The following TCF12 variants were observed in gnomAD, a reference collection of about 807,000 sequenced individuals.
TCF12 encodes the protein DNA-binding protein HTF4.
In TCF12, 45 loss-of-function variants were observed where a neutral mutation model predicts 86.0. The ratio of observed to expected loss-of-function variants is 0.52; its 90% confidence interval spans 0.41 to 0.67. TCF12 has a LOEUF of 0.67. Among genes scored for constraint, TCF12 ranks in the 30% least tolerant of loss-of-function variants. The pLI is 0.00. For synonymous variants in TCF12, 330 were observed against 299.6 expected (o/e 1.10, Z -1.05); for missense variants, 881 against 859.9 (o/e 1.02, Z -0.31).
At chr15:57,101,833 A>C (rs1248740440) in intron 5 of TCF12, among the ~76,000 whole-genome samples, 1 of 152,216 alleles carries the variant, frequency 6.6e-6, no homozygotes, top group African/African-American at 2.4e-5. Context: ...ATGGGAGTAC[A>C]TTACTAGTCC....
chr15:56,972,063 A>G (rs1293508574), intron 3 of TCF12, among the ~76,000 whole-genome samples: 1 of 152,244 alleles, frequency 6.6e-6, no homozygotes, highest in Non-Finnish European at 1.5e-5. Context: ...TAGGTGAATT[A>G]TAGGGTATAT....
chr15:57,168,860 G>A (rs1405780356), intron 6 of TCF12, among the ~76,000 whole-genome samples: 5 of 152,010 alleles, frequency 3.3e-5, no homozygotes, highest in Non-Finnish European at 7.4e-5. Context: ...AGCCTGGCCA[G>A]CATGGTGAAA....
At chr15:56,992,675 G>A (rs1394091196) in intron 3 of TCF12, among the ~76,000 whole-genome samples, 1 of 152,186 alleles carries the variant, frequency 6.6e-6, no homozygotes, top group Non-Finnish European at 1.5e-5. Flanking sequence ...TGAGGACCTT[G>A]CAGTGATCAT....
At chr15:57,159,177 TA>T (rs1388798792) in intron 5 of TCF12, among the ~76,000 whole-genome samples, 1 of 152,212 alleles carries the variant, frequency 6.6e-6, no homozygotes, top group African/African-American at 2.4e-5. Flanking sequence ...TTGATTTTCC[TA>T]AAAGAGTGAG....
chr15:57,277,694 T>A, intron 19 of TCF12, among the ~76,000 whole-genome samples: 1 of 149,476 alleles, frequency 6.7e-6, no homozygotes. Flanking sequence ...CCCAGCACAG[T>A]GGGAGGCCAA....
intron 3 of TCF12, among the ~76,000 whole-genome samples, chr15:56,960,725 C>T (rs997780888): frequency 5.9e-5 from 9 of 151,926 alleles, no homozygotes; most frequent in African/African-American, 4.8e-5. Flanking sequence ...CCACCATGCC[C>T]GGCCTACTGT....
At chr15:57,182,380 A>AT (rs1555530027) in intron 6 of TCF12, among the ~76,000 whole-genome samples, 1 of 151,956 alleles carries the variant, frequency 6.6e-6, no homozygotes, top group Non-Finnish European at 1.5e-5. Context: ...TTTTAATTGT[A>AT]TTTTTTTCAT....
At chr15:56,991,871 G>A (rs1346756930) in intron 3 of TCF12, among the ~76,000 whole-genome samples, 1 of 151,924 alleles carries the variant, frequency 6.6e-6, no homozygotes, top group East Asian at 1.9e-4. Context: ...AACCATCAGG[G>A]TATAGAAAAA....
intron 3 of TCF12, among the ~76,000 whole-genome samples, chr15:56,985,967 GA>G (rs35495941): frequency 4.6e-5 from 7 of 152,148 alleles, no homozygotes; most frequent in African/African-American, 1.7e-4. Flanking sequence ...GGAGTGGACA[GA>G]AAGGGAAGAG....
At chr15:57,282,222 T>G (rs529383949) in intron 19 of TCF12, 7 of 574,584 alleles carry the variant, frequency 1.2e-5, no homozygotes, top group African/African-American at 9.4e-5. Flanking sequence ...CCTAGAAAAC[T>G]AAATCATAAG....
At chr15:57,061,227 GA>G (rs2068435462) in intron 3 of TCF12, among the ~76,000 whole-genome samples, 1 of 152,150 alleles carries the variant, frequency 6.6e-6, no homozygotes, top group Non-Finnish European at 1.5e-5. Context: ...TGTGTCTCTT[GA>G]ATTTTGCTTG....
chr15:56,972,514 G>A, intron 3 of TCF12, among the ~76,000 whole-genome samples: 1 of 152,134 alleles, frequency 6.6e-6, no homozygotes. Context: ...CAAACAAAGT[G>A]TAAAAGAGCA....
intron 3 of TCF12, among the ~76,000 whole-genome samples, chr15:56,925,054 C>A (rs1007736188): frequency 5.3e-5 from 8 of 152,050 alleles, no homozygotes; most frequent in Non-Finnish European, 7.4e-5. Flanking sequence ...CAAAAACTTG[C>A]TGGGTGTGAT....
chr15:57,232,437 T>A lies in TCF12; in HGVS notation c.825+7T>A, dbSNP rs745541408. 12 of 1,597,198 alleles carry A rather than the reference T, an allele frequency of 7.5e-6. No homozygotes were observed. The highest frequency in any genetic ancestry group is 1.0e-5 in the Non-Finnish European group (12 of 1,174,550). On this transcript the variant is annotated splice_region_variant and intron_variant, in intron 10 of 20. Transcript: ENST00000333725. ...TCATTCACATGACCGCTTGGTAGGC[T>A]ATAACACGTGACTAGGGTACAGCAA...
chr15:57,227,479 A>C (rs2058944587), intron 8 of TCF12, among the ~76,000 whole-genome samples: 1 of 152,188 alleles, frequency 6.6e-6, no homozygotes. Flanking sequence ...AAACATTTTA[A>C]GGATAATTAT....
Position 57,289,249 on chromosome 15 carries a change from CTTG to C in TCF12, c.*3107_*3109del, listed in dbSNP as rs2062027847. 1 of 152,086 alleles carries C rather than the reference CTTG, an allele frequency of 6.6e-6. No homozygotes were observed. Among genetic ancestry groups the C allele is most frequent in the Admixed American group, 6.6e-5 (1 of 15,266 alleles). The allele number at this position is 152,086 out of a possible 1,614,324, so 9.4% of individuals were successfully genotyped here. A position where few individuals can be genotyped will look rare whatever the true frequency, so the allele number is the denominator to read the frequency against. ...GTGGGATTTAGTGAAAACTATTAAACTTGTTAAGTTGATTTTATACAAAACGAT... is the reference window on the plus strand; with the variant it reads ...GTGGGATTTAGTGAAAACTATTAAACTTAAGTTGATTTTATACAAAACGAT... On this transcript the variant is annotated 3_prime_UTR_variant, in exon 21 of 21. Coordinates refer to ENST00000333725, the MANE Select transcript of TCF12 (RefSeq NM_207037.2).
chr15:56,956,566 G>T lies in TCF12; in HGVS notation c.148+35468G>T, dbSNP rs2061512918. Among the ~76,000 whole-genome samples, 4 of 152,060 alleles carry T rather than the reference G, an allele frequency of 2.6e-5. No homozygotes were observed. The South Asian group carries it at 8.3e-4, about 31-fold the overall frequency. On this transcript the variant is annotated intron_variant, in intron 3 of 20. Transcript: ENST00000333725. ...AACAACTTTAACCTTTTCTGCAGTA[G>T]TGATCTGCTGGTAATGAATTCCTTT...
intron 15 of TCF12, 55 bp from the exon 16 acceptor site, chr15:57,253,207 A>G: frequency 6.3e-7 from 1 of 1,591,278 alleles, no homozygotes; most frequent in Non-Finnish European, 8.6e-7. Context: ...GTAGCAGTTA[A>G]TGAATCTAAC....
chr15:57,260,484 G>T (rs1273714435), intron 16 of TCF12, among the ~76,000 whole-genome samples: 4 of 152,132 alleles, frequency 2.6e-5, no homozygotes, highest in African/African-American at 9.7e-5. Flanking sequence ...TTAGAAGGCT[G>T]TTTTTTAAAT....
Sources: gnomAD v4.1 joint callset for allele counts (sites outside exome capture counted in the v4.1 genomes callset) on GRCh38, gnomAD v4.1.1 for gene constraint, MANE v1.5 for transcripts, NCBI Gene and HGNC (gene_info 2026-07-23, HGNC 2026-07-21) for gene names.